The following ROBO1 variants were observed in gnomAD, a reference collection of about 807,000 sequenced individuals.
The protein encoded by ROBO1 is roundabout guidance receptor 1.
A neutral mutation model predicts 195.9 loss-of-function variants in ROBO1; 149 were observed. The observed-to-expected ratio is 0.76, with a 90% CI of 0.67 to 0.87. The LOEUF (loss-of-function observed/expected upper bound fraction) is 0.87. ROBO1 is among the 40% of genes least tolerant of loss of function. The pLI, the probability that ROBO1 is intolerant of heterozygous loss-of-function variation, is 0.00. For missense variants in ROBO1, 1,933 were observed against 2,068.3 expected, an observed-to-expected ratio of 0.93 and a Z score of 1.27; for synonymous variants, 816 against 733.2, an observed-to-expected ratio of 1.11 and a Z score of -1.82.
At chr3:79,676,098 C>T (rs112233188) in intron 1 of ROBO1, among the ~76,000 whole-genome samples, 9 of 151,994 alleles carry the variant, frequency 5.9e-5, no homozygotes, top group East Asian at 1.9e-4. Flanking sequence ...GCCTTAGCCA[C>T]GAACCTTGTG....
chr3:79,500,119 CTTTTTTTTT>C (rs57887981), intron 2 of ROBO1, among the ~76,000 whole-genome samples: 79 of 72,500 alleles, frequency 1.1e-3, no homozygotes, highest in Non-Finnish European at 1.5e-3. Context: ...TAAGTTTTCT[CTTTTTTTTT>C]TTTTTTTTTT....
chr3:79,200,957 G>C (rs1559731134), intron 2 of ROBO1, among the ~76,000 whole-genome samples: 1 of 151,802 alleles, frequency 6.6e-6, no homozygotes, highest in Admixed American at 6.6e-5. Flanking sequence ...ATGTGCTAAT[G>C]GTTCTGAATA....
At chr3:79,186,346 C>T (rs369365088) in intron 2 of ROBO1, among the ~76,000 whole-genome samples, 8 of 151,972 alleles carry the variant, frequency 5.3e-5, no homozygotes, top group East Asian at 1.9e-4. Flanking sequence ...TATAAACACA[C>T]GTGTTTTATA....
intron 2 of ROBO1, among the ~76,000 whole-genome samples, chr3:79,168,584 C>CT (rs2081111397): frequency 6.6e-6 from 1 of 152,020 alleles, no homozygotes; most frequent in Admixed American, 6.6e-5. Flanking sequence ...GCTTATATTG[C>CT]TTTTTCCTTT....
intron 3 of ROBO1, among the ~76,000 whole-genome samples, chr3:79,112,234 A>G (rs970932309): frequency 1.3e-5 from 2 of 152,152 alleles, no homozygotes; most frequent in African/African-American, 2.4e-5. Context: ...GATTTTTCAT[A>G]TGTGACATAC....
chr3:79,468,920 C>A (rs956277468), intron 2 of ROBO1, among the ~76,000 whole-genome samples: 13 of 152,100 alleles, frequency 8.5e-5, no homozygotes, highest in African/African-American at 2.7e-4. Flanking sequence ...ATGTTAATTA[C>A]CTTGACCTTT....
intron 2 of ROBO1, among the ~76,000 whole-genome samples, chr3:79,540,917 AAC>A: frequency 6.6e-6 from 1 of 152,168 alleles, no homozygotes; most frequent in East Asian, 1.9e-4. Flanking sequence ...ACAAGTATTC[AAC>A]ACATAATTAT....
intron 2 of ROBO1, among the ~76,000 whole-genome samples, chr3:79,526,799 G>A (rs1440262343): frequency 1.3e-5 from 2 of 151,940 alleles, no homozygotes. Context: ...TAATCTTTTT[G>A]CAATTATGAT....
chr3:79,555,452 A>G (rs901271243), intron 2 of ROBO1, among the ~76,000 whole-genome samples: 2 of 152,112 alleles, frequency 1.3e-5, no homozygotes, highest in Admixed American at 1.3e-4. Context: ...GTAGAGGGAA[A>G]AGCAGCAGAA....
intron 2 of ROBO1, among the ~76,000 whole-genome samples, chr3:79,375,200 T>G (rs2036338704): frequency 6.6e-6 from 1 of 152,156 alleles, no homozygotes; most frequent in East Asian, 1.9e-4. Flanking sequence ...ATAAGAAATC[T>G]CACAGTGTTC....
intron 4 of ROBO1, among the ~76,000 whole-genome samples, chr3:78,848,693 G>A (rs924065027): frequency 6.6e-6 from 1 of 152,076 alleles, no homozygotes; most frequent in Non-Finnish European, 1.5e-5. Context: ...GAAGGACAGC[G>A]ATCATTATCA....
rs148994650 is a variant in ROBO1, at chr3:79,645,834, T to C, written c.-50-55873A>G. On this transcript the variant is annotated intron_variant, in intron 1 of 30. Transcript: ENST00000464233. ...ATAAATCCACAAATCTATAGTCAAC[T>C]GATTTTGGACAAAGGTGCCAAGAAC... Among the ~76,000 whole-genome samples, 322 of 152,264 alleles carry C rather than the reference T, an allele frequency of 2.1e-3. 10 individuals are homozygous for C. The highest frequency in any genetic ancestry group is 0.019 in the Admixed American group (293 of 15,266).
chr3:78,799,915 A>G lies in ROBO1; in HGVS notation c.500-53015T>C, dbSNP rs2084312059. On this transcript the variant is annotated intron_variant, in intron 4 of 30. Coordinates refer to ENST00000464233, the MANE Select transcript of ROBO1 (RefSeq NM_002941.4). ...CTCAAGGATTCACCCTTATCATATT[A>G]TTATGCCCTGTTGAGCTTGTCTAGG... Among the ~76,000 whole-genome samples the G allele has an allele frequency of 2.0e-5, 3 of 152,090 alleles. No homozygotes were observed. In the South Asian group the frequency reaches 6.2e-4, roughly 32 times the overall value.
intron 1 of ROBO1, among the ~76,000 whole-genome samples, chr3:79,605,042 C>G (rs941167575): frequency 5.3e-5 from 8 of 151,968 alleles, no homozygotes; most frequent in African/African-American, 1.9e-4. Flanking sequence ...TTACTTCAAT[C>G]TGACTTTTGC....
At position 79,594,832 on chromosome 3, in the gene ROBO1, G is replaced by A. The variant is rs574812415; in HGVS notation, c.-50-4871C>T. Among the ~76,000 whole-genome samples, 5 of 152,026 alleles carry A rather than the reference G, an allele frequency of 3.3e-5. No individual in the cohort carries two copies. In the East Asian group the frequency reaches 9.7e-4, roughly 30 times the overall value. On this transcript the variant is annotated intron_variant, in intron 1 of 30. Transcript: ENST00000464233. ...TAGCATCCGGTGAAATTCCTCCAGGGTAATGACGGAACCAATTGTGTATTT... is the reference window on the plus strand; with the variant it reads ...TAGCATCCGGTGAAATTCCTCCAGGATAATGACGGAACCAATTGTGTATTT...
chr3:78,939,335 C>T (rs1284583186), intron 3 of ROBO1, among the ~76,000 whole-genome samples: 1 of 152,056 alleles, frequency 6.6e-6, no homozygotes, highest in Non-Finnish European at 1.5e-5. Flanking sequence ...ACATATGTGG[C>T]CCGGCGCGGG....
chr3:79,473,693 T>C (rs932418763), intron 2 of ROBO1, among the ~76,000 whole-genome samples: 2 of 152,176 alleles, frequency 1.3e-5, no homozygotes, highest in Non-Finnish European at 2.9e-5. Flanking sequence ...TTTGAACTTC[T>C]GGCCTTCAGA....
intron 2 of ROBO1, among the ~76,000 whole-genome samples, chr3:79,511,960 A>G (rs555728989): frequency 7.9e-5 from 12 of 152,314 alleles, no homozygotes; most frequent in Non-Finnish European, 1.6e-4. Context: ...CAGGAAAAAT[A>G]ATTAATGGAT....
At chr3:78,914,980 G>A (rs1445301928) in intron 4 of ROBO1, among the ~76,000 whole-genome samples, 1 of 151,654 alleles carries the variant, frequency 6.6e-6, no homozygotes, top group African/African-American at 2.4e-5. Context: ...TGCATTATTA[G>A]GTGTTTGATT....
Sources: allele counts gnomAD v4.1 joint callset (sites outside exome capture counted in the v4.1 genomes callset), GRCh38; gene constraint gnomAD v4.1.1; transcripts MANE v1.5; gene names NCBI Gene and HGNC (gene_info 2026-07-23, HGNC 2026-07-21).